Variants in CDH12 observed in about 807,000 individuals in gnomAD.
The protein encoded by CDH12 is cadherin-12.
Under a neutral mutation model 74.1 loss-of-function variants are expected in CDH12, and 41 were observed. That is an observed-to-expected ratio of 0.55 (90% confidence interval 0.43 to 0.72). The LOEUF is 0.72. Ranked by LOEUF, CDH12 falls within the 30% of genes least tolerant of loss-of-function variation. The pLI is 0.00. For missense variants in CDH12, 945 were observed against 977.2 expected (o/e 0.97, Z 0.44); for synonymous variants, 399 against 355.0 (o/e 1.12, Z -1.39).
chr5:22,846,032 A>G (rs1468048004), intron 1 of CDH12, among the ~76,000 whole-genome samples: 1 of 152,158 alleles, frequency 6.6e-6, no homozygotes, highest in Admixed American at 6.5e-5. Flanking sequence ...GGTTGAAGAC[A>G]TATTTAGAGA....
chr5:21,968,784 A>T (rs1756700679), intron 6 of CDH12, among the ~76,000 whole-genome samples: 1 of 152,148 alleles, frequency 6.6e-6, no homozygotes, highest in Non-Finnish European at 1.5e-5. Context: ...ACACCATGAG[A>T]TACTATGCCG....
At chr5:22,809,287 C>T (rs1027401036) in intron 1 of CDH12, among the ~76,000 whole-genome samples, 10 of 151,708 alleles carry the variant, frequency 6.6e-5, no homozygotes, top group African/African-American at 7.3e-5. Flanking sequence ...GTTTCTATCA[C>T]GAGTTATGTG....
At chr5:21,883,057 A>T in intron 6 of CDH12, 1 of 1,610,708 alleles carries the variant, frequency 6.2e-7, no homozygotes, top group African/African-American at 1.3e-5. Flanking sequence ...GCTGAACTTA[A>T]AAAGCAGTCT....
At chr5:22,514,312 T>G (rs751293385) in intron 1 of CDH12, among the ~76,000 whole-genome samples, 3 of 151,644 alleles carry the variant, frequency 2.0e-5, no homozygotes, top group Non-Finnish European at 4.4e-5. Flanking sequence ...CAGAAACACA[T>G]AAACATATTT....
At chr5:22,693,137 A>G (rs1018354619) in intron 1 of CDH12, among the ~76,000 whole-genome samples, 1 of 152,004 alleles carries the variant, frequency 6.6e-6, no homozygotes, top group Non-Finnish European at 1.5e-5. Flanking sequence ...AAGCACACAC[A>G]ACCTCTTGCA....
chr5:22,016,528 T>A (rs1737617686), intron 5 of CDH12, among the ~76,000 whole-genome samples: 3 of 152,000 alleles, frequency 2.0e-5, no homozygotes, highest in Admixed American at 2.0e-4. Flanking sequence ...CCCAAGTAGC[T>A]GGGACTACAG....
intron 3 of CDH12, among the ~76,000 whole-genome samples, chr5:22,388,337 A>G (rs1230343223): frequency 6.6e-6 from 1 of 152,014 alleles, no homozygotes; most frequent in Non-Finnish European, 1.5e-5. Flanking sequence ...CTATTAATGT[A>G]TAATAATATA....
At chr5:21,950,361 T>A (rs114716289) in intron 6 of CDH12, among the ~76,000 whole-genome samples, 3,256 of 149,398 alleles carry the variant, frequency 0.022, 103 homozygotes, top group South Asian at 0.061. Flanking sequence ...TATAAATAAA[T>A]TAAGATGGAA....
intron 1 of CDH12, among the ~76,000 whole-genome samples, chr5:22,821,656 T>G (rs1445217297): frequency 6.6e-6 from 1 of 151,982 alleles, no homozygotes; most frequent in East Asian, 1.9e-4. Context: ...ATAAAATACC[T>G]AGGAATCCAA....
chr5:22,337,702 C>T (rs1260716452), intron 3 of CDH12, among the ~76,000 whole-genome samples: 1 of 152,070 alleles, frequency 6.6e-6, no homozygotes, highest in Admixed American at 6.6e-5. Context: ...TGCAAATTGC[C>T]CAGTCTTCAT....
chr5:21,931,255 A>C (rs1258197240), intron 6 of CDH12, among the ~76,000 whole-genome samples: 1 of 152,160 alleles, frequency 6.6e-6, no homozygotes, highest in Non-Finnish European at 1.5e-5. Context: ...TAGAGGAAAA[A>C]AAAGCTAAGA....
intron 1 of CDH12, among the ~76,000 whole-genome samples, chr5:22,688,967 AAGTGCAATAATAT>A (rs1667544474): frequency 2.6e-5 from 4 of 152,152 alleles, no homozygotes; most frequent in Admixed American, 2.6e-4. Flanking sequence ...ATTGGTTTCA[AAGTGCAATAATAT>A]AGTCTGCTTT....
intron 1 of CDH12, among the ~76,000 whole-genome samples, chr5:22,613,914 T>C (rs1417756812): frequency 6.6e-6 from 1 of 152,146 alleles, no homozygotes; most frequent in Non-Finnish European, 1.5e-5. Context: ...ATTTATTTTA[T>C]ATTTTTCATT....
At chr5:22,690,138 A>G (rs1742006707) in intron 1 of CDH12, among the ~76,000 whole-genome samples, 1 of 152,138 alleles carries the variant, frequency 6.6e-6, no homozygotes, top group East Asian at 1.9e-4. Context: ...CAGAAATATG[A>G]AGAATTACCA....
chr5:21,902,272 A>G (rs1388335051), intron 6 of CDH12, among the ~76,000 whole-genome samples: 1 of 150,360 alleles, frequency 6.7e-6, no homozygotes, highest in Non-Finnish European at 1.5e-5. Context: ...AAGTATATAT[A>G]TTACATATGT....
chr5:21,871,849 A>T (rs1309371023), intron 6 of CDH12, among the ~76,000 whole-genome samples: 1 of 151,906 alleles, frequency 6.6e-6, no homozygotes, highest in African/African-American at 2.4e-5. Context: ...CTCAACTCTC[A>T]CCCCTGAATA....
Position 22,405,284 on chromosome 5 carries a change from C to G in CDH12, c.-360G>C. The stretch of plus-strand genomic sequence containing the variant: ...GTTAGAGGCAATTTATTTTCTAAGG[C>G]CAGCTTATGTATCTCAAATTGTTTT... On this transcript the variant is annotated 5_prime_UTR_variant, in exon 3 of 15. Coordinates refer to ENST00000382254, the MANE Select transcript of CDH12 (RefSeq NM_004061.5). The G allele has an allele frequency of 2.1e-6, 2 of 973,538 alleles. No individual in the cohort carries two copies. Among genetic ancestry groups the G allele is most frequent in the Non-Finnish European group, 2.4e-6 (2 of 819,108 alleles). The allele number at this position is 973,538 out of a possible 1,614,324, so 60.3% of individuals were successfully genotyped here.
chr5:21,753,458 A>G (rs1329163961), intron 14 of CDH12, among the ~76,000 whole-genome samples: 1 of 152,194 alleles, frequency 6.6e-6, no homozygotes, highest in Non-Finnish European at 1.5e-5. Flanking sequence ...GCAGCCCCAT[A>G]CATAAAATGA....
At chr5:22,374,915 T>C (rs1430495595) in intron 3 of CDH12, among the ~76,000 whole-genome samples, 1 of 151,974 alleles carries the variant, frequency 6.6e-6, no homozygotes, top group Non-Finnish European at 1.5e-5. Context: ...GCAATCTCTA[T>C]CAAATTATCA....
Sources: allele counts gnomAD v4.1 joint callset (sites outside exome capture counted in the v4.1 genomes callset), GRCh38; gene constraint gnomAD v4.1.1; transcripts MANE v1.5; gene names NCBI Gene and HGNC (gene_info 2026-07-23, HGNC 2026-07-21).